The following FOXP2 variants were observed in gnomAD, a reference collection of about 807,000 sequenced individuals.
The protein encoded by FOXP2 is forkhead box protein P2.
A neutral mutation model predicts 115.8 loss-of-function variants in FOXP2; 12 were observed. That is an observed-to-expected ratio of 0.10 (90% CI 0.07 to 0.17). The LOEUF (loss-of-function observed/expected upper bound fraction) is 0.17. Among genes scored for constraint, FOXP2 ranks in the 10% least tolerant of loss-of-function variants. The pLI is 1.00. For synonymous variants in FOXP2, 328 were observed against 297.7 expected (o/e 1.10, Z -1.05); for missense variants, 629 against 843.5 (o/e 0.75, Z 3.15).
At chr7:114,530,202 C>G (rs1799075726) in intron 2 of FOXP2, among the ~76,000 whole-genome samples, 1 of 151,832 alleles carries the variant, frequency 6.6e-6, no homozygotes. Context: ...ACCTCACTAT[C>G]TGAAACCAAT....
intron 3 of FOXP2, among the ~76,000 whole-genome samples, chr7:114,620,054 T>G (rs1274134855): frequency 6.6e-6 from 1 of 152,002 alleles, no homozygotes; most frequent in Non-Finnish European, 1.5e-5. Context: ...TAGTAAAAAT[T>G]GCTAGCAATT....
intron 2 of FOXP2, among the ~76,000 whole-genome samples, chr7:114,397,184 T>C (rs1199200375): frequency 2.0e-5 from 3 of 152,138 alleles, no homozygotes; most frequent in Admixed American, 1.3e-4. Context: ...TAAAATACTT[T>C]AAAATTTAAA....
chr7:114,497,605 TG>T (rs951055536), intron 2 of FOXP2, among the ~76,000 whole-genome samples: 54 of 152,024 alleles, frequency 3.6e-4, no homozygotes, highest in African/African-American at 1.2e-3. Flanking sequence ...GCTGAGACCG[TG>T]CCACTGCACT....
In FOXP2 at chr7:114,328,905, T is replaced by A. The variant is rs138768353; in HGVS notation, c.-11+40796T>A. Among the ~76,000 whole-genome samples, 823 of 152,292 alleles carry A rather than the reference T, an allele frequency of 5.4e-3. 4 individuals are homozygous for A. Among genetic ancestry groups the A allele is most frequent in the African/African-American group, 0.019 (795 of 41,558 alleles). ...ACCATGATATACTCTCTGGATTCATTCAGTGAATGTGAAATCACTCTTAGT... is the reference window on the plus strand; with the variant it reads ...ACCATGATATACTCTCTGGATTCATACAGTGAATGTGAAATCACTCTTAGT... On this transcript the variant is annotated intron_variant, in intron 2 of 17. Transcript: ENST00000634411.
At chr7:114,379,676 C>T (rs1792233139) in intron 2 of FOXP2, among the ~76,000 whole-genome samples, 1 of 152,136 alleles carries the variant, frequency 6.6e-6, no homozygotes. Context: ...CTGGAAGAGA[C>T]AAACTTAACA....
At chr7:114,523,597 T>A (rs1046777658) in intron 2 of FOXP2, among the ~76,000 whole-genome samples, 1 of 152,170 alleles carries the variant, frequency 6.6e-6, no homozygotes, top group Non-Finnish European at 1.5e-5. Flanking sequence ...ACCGAAGTTT[T>A]GTTTTTTTCT....
chr7:114,516,418 A>G (rs868344997), intron 2 of FOXP2, among the ~76,000 whole-genome samples: 3 of 152,178 alleles, frequency 2.0e-5, no homozygotes, highest in African/African-American at 7.2e-5. Flanking sequence ...TTCAAGATGG[A>G]TTAAAGACTG....
intron 1 of FOXP2, among the ~76,000 whole-genome samples, chr7:114,200,874 G>A (rs941938413): frequency 6.6e-6 from 1 of 152,128 alleles, no homozygotes. Context: ...AAATAACCTG[G>A]TCTGGCCCAT....
intron 3 of FOXP2, among the ~76,000 whole-genome samples, chr7:114,537,650 G>A (rs969446564): frequency 1.1e-4 from 16 of 151,500 alleles, no homozygotes; most frequent in Non-Finnish European, 1.0e-4. Flanking sequence ...TGCTACAGAT[G>A]GCATAGATAT....
chr7:114,203,042 A>G (rs1002496083), intron 1 of FOXP2, among the ~76,000 whole-genome samples: 11 of 152,166 alleles, frequency 7.2e-5, no homozygotes, highest in Non-Finnish European at 1.3e-4. Flanking sequence ...GATGCCTCCA[A>G]ACCTTCCAAA....
At chr7:114,569,726 A>G (rs1481756068) in intron 3 of FOXP2, among the ~76,000 whole-genome samples, 1 of 151,934 alleles carries the variant, frequency 6.6e-6, no homozygotes, top group Non-Finnish European at 1.5e-5. Context: ...TTTGGAAGCC[A>G]TTTTTCCTGT....
intron 1 of FOXP2, among the ~76,000 whole-genome samples, chr7:114,144,369 G>A (rs1792306400): frequency 1.3e-5 from 2 of 152,024 alleles, no homozygotes; most frequent in African/African-American, 4.8e-5. Context: ...AAAGCAGTTT[G>A]AGCAATCAGA....
chr7:114,487,277 G>A lies in FOXP2; in HGVS notation c.169-47340G>A, dbSNP rs73436131. On this transcript the variant is annotated intron_variant, in intron 2 of 16. Coordinates refer to ENST00000350908, the MANE Select transcript of FOXP2 (RefSeq NM_014491.4). Reference sequence around the variant, plus strand: ...CTTGAAACCTCTGAAGCCACAGCATGAGCTGTACCTTGACCCTTTTTATCC... The same window carrying A: ...CTTGAAACCTCTGAAGCCACAGCATAAGCTGTACCTTGACCCTTTTTATCC... 7.1e-3 allele frequency among the ~76,000 whole-genome samples: 1,075 copies of A among 152,272 alleles called. 11 individuals carry two copies. Among genetic ancestry groups the A allele is most frequent in the African/African-American group, 0.025 (1,023 of 41,542 alleles).
chr7:114,652,541 C>A (rs1563060695), intron 9 of FOXP2, among the ~76,000 whole-genome samples: 1 of 151,982 alleles, frequency 6.6e-6, no homozygotes, highest in Non-Finnish European at 1.5e-5. Flanking sequence ...ATTTGAATAT[C>A]CCAAAGTAGT....
intron 2 of FOXP2, among the ~76,000 whole-genome samples, chr7:114,303,214 C>T (rs533577704): frequency 5.9e-5 from 9 of 152,132 alleles, no homozygotes; most frequent in Non-Finnish European, 1.3e-4. Context: ...TCACAGATAA[C>T]GTGGAACTTG....
At chr7:114,549,561 G>A (rs2129285943) in intron 3 of FOXP2, among the ~76,000 whole-genome samples, 1 of 152,266 alleles carries the variant, frequency 6.6e-6, no homozygotes, top group Middle Eastern at 3.4e-3. Flanking sequence ...ATTATTCTTG[G>A]ACATGTTTGT....
intron 16 of FOXP2, chr7:114,669,279 A>G (rs751593470): frequency 6.6e-6 from 1 of 152,044 alleles, no homozygotes; most frequent in Non-Finnish European, 1.5e-5. Context: ...AAAAGTAGGA[A>G]AGGTTAAAGC....
chr7:114,328,769 T>A (rs1462001588), intron 2 of FOXP2, among the ~76,000 whole-genome samples: 1 of 152,178 alleles, frequency 6.6e-6, no homozygotes, highest in East Asian at 1.9e-4. Context: ...TTACATGACT[T>A]CCTAGGCCAC....
chr7:114,400,771 C>T (rs1792868626), intron 2 of FOXP2, among the ~76,000 whole-genome samples: 2 of 152,226 alleles, frequency 1.3e-5, no homozygotes, highest in South Asian at 4.2e-4. Context: ...TACTCACCTC[C>T]TGCTATGTGG....
Sources: gnomAD v4.1 joint callset for allele counts (sites outside exome capture counted in the v4.1 genomes callset) on GRCh38, gnomAD v4.1.1 for gene constraint, MANE v1.5 for transcripts, NCBI Gene and HGNC (gene_info 2026-07-23, HGNC 2026-07-21) for gene names.